NSUN6: variants seen among roughly 807,000 people sequenced by gnomAD.
NSUN6 encodes NOP2/Sun RNA methyltransferase 6.
Under a neutral mutation model 58.0 loss-of-function variants are expected in NSUN6, and 64 were observed. That is an observed-to-expected ratio of 1.10 (90% CI 0.90 to 1.36). The LOEUF is 1.36. Ranked by LOEUF, NSUN6 falls within the 40% of genes most tolerant of loss-of-function variation. The pLI is 0.00. For synonymous variants in NSUN6, 231 were observed against 193.9 expected (o/e 1.19, Z -1.59); for missense variants, 701 against 550.1 (o/e 1.27, Z -2.74).
chr10:18,642,665 G>A, intron 2 of NSUN6, 110 bp from the exon 3 acceptor site: 1 of 572,560 alleles, frequency 1.7e-6, no homozygotes, highest in Non-Finnish European at 3.1e-6. Context: ...AGTAGCTCTG[G>A]GGCATTTTCA....
chr10:18,652,602 C>T (rs1202166693), upstream of NSUN6: 15 of 963,838 alleles, frequency 1.6e-5, no homozygotes, highest in Non-Finnish European at 1.7e-5. Flanking sequence ...TCTCTGTCGC[C>T]CAGACTGGAG....
chr10:18,584,728 C>G (rs1327560110), intron 8 of NSUN6, among the ~76,000 whole-genome samples: 1 of 152,026 alleles, frequency 6.6e-6, no homozygotes, highest in Non-Finnish European at 1.5e-5. Context: ...CAACCAGATA[C>G]ATCATCGTAA....
chr10:18,651,368 C>A lies in NSUN6; in HGVS notation c.-165G>T. ...TCGGAAATGCAGAGGTACACGCTTT[C>A]TCAAGCCTAGCCGATTAGAAGGGGC... is the stretch of plus-strand genomic sequence containing the variant. On this transcript the variant is annotated 5_prime_UTR_variant, in exon 1 of 11. Transcript: ENST00000377304. 3 of 1,343,056 alleles carry A rather than the reference C, an allele frequency of 2.2e-6. No individual in the cohort carries two copies. The highest frequency in any genetic ancestry group is 2.8e-6 in the Non-Finnish European group (3 of 1,053,074). The allele number at this position is 1,343,056 out of a possible 1,614,324, so 83.2% of individuals were successfully genotyped here.
At chr10:18,557,755 TAGAATGGAATGG>T (rs2055153728) in intron 8 of NSUN6, among the ~76,000 whole-genome samples, 1 of 147,326 alleles carries the variant, frequency 6.8e-6, no homozygotes, top group Non-Finnish European at 1.5e-5. Flanking sequence ...GAATGGAGAA[TAGAATGGAATGG>T]AGAATGGAAC....
chr10:18,658,726 G>C (rs575121246), upstream of NSUN6: 3 of 852,670 alleles, frequency 3.5e-6, no homozygotes, highest in Non-Finnish European at 4.2e-6. Context: ...GACAGGGGCC[G>C]GGCGCGGTGG....
chr10:18,545,868 T>TAGAAAAAA lies in NSUN6; in HGVS notation c.*64_*65insTTTTTTCT. 1.4e-6 allele frequency: 1 copy of TAGAAAAAA among 732,152 alleles called. No homozygotes were observed. Among genetic ancestry groups the TAGAAAAAA allele is most frequent in the Non-Finnish European group, 2.2e-6 (1 of 450,174 alleles). The allele number at this position is 732,152 out of a possible 1,614,324, so 45.4% of individuals were successfully genotyped here. On this transcript the variant is annotated 3_prime_UTR_variant, in exon 11 of 11. Coordinates refer to ENST00000377304, the MANE Select transcript of NSUN6 (RefSeq NM_182543.5). ...TCAGTTGGCCTGACAACACTTTGGT[T>TAGAAAAAA]AAAAAAAAAAAAACCACAGACAGCA... is the stretch of plus-strand genomic sequence containing the variant.
intron 8 of NSUN6, among the ~76,000 whole-genome samples, chr10:18,566,773 T>C (rs914025022): frequency 6.6e-6 from 1 of 150,992 alleles, no homozygotes; most frequent in Admixed American, 6.6e-5. Flanking sequence ...CGATTCTGCA[T>C]TCCATTCCAT....
intron 2 of NSUN6, among the ~76,000 whole-genome samples, chr10:18,645,308 T>C (rs1293831808): frequency 5.3e-5 from 8 of 152,208 alleles, no homozygotes; most frequent in African/African-American, 1.9e-4. Flanking sequence ...TTAATGTATA[T>C]AAACTGTTTC....
At chr10:18,585,826 G>A (rs1165554661) in intron 8 of NSUN6, 123 bp downstream of exon 8, 4 of 711,150 alleles carry the variant, frequency 5.6e-6, no homozygotes, top group African/African-American at 5.5e-5. Flanking sequence ...TGATGGATAT[G>A]TTAATTAGCT....
intron 8 of NSUN6, among the ~76,000 whole-genome samples, chr10:18,570,856 C>T (rs551764968): frequency 1.3e-5 from 2 of 149,464 alleles, no homozygotes; most frequent in African/African-American, 4.9e-5. Flanking sequence ...ATTCCATTCT[C>T]TTCCATTCTC....
chr10:18,559,340 T>C (rs1357723009), intron 8 of NSUN6, among the ~76,000 whole-genome samples: 1 of 143,892 alleles, frequency 6.9e-6, no homozygotes, highest in East Asian at 2.1e-4. Flanking sequence ...GAATGGAGAA[T>C]TGATTGGAAT....
rs16917608 is a variant in NSUN6 at position 18,647,217 on chromosome 10, A to T, written c.231+1273T>A. Among the ~76,000 whole-genome samples, 73 of 152,282 alleles carry T rather than the reference A, an allele frequency of 4.8e-4. 1 individual carries two copies. In the East Asian group the frequency reaches 0.013, roughly 27 times the overall value. On this transcript the variant is annotated intron_variant, in intron 2 of 10. Transcript: ENST00000377304. Reference sequence around the variant, plus strand: ...TTAAAAGGGGATAAGTGACTCAGTGATAATTTTCTGAAATTTTCTAAATAA... The same window carrying T: ...TTAAAAGGGGATAAGTGACTCAGTGTTAATTTTCTGAAATTTTCTAAATAA...
At chr10:18,621,559 G>T (rs978116568) in intron 3 of NSUN6, among the ~76,000 whole-genome samples, 1 of 152,040 alleles carries the variant, frequency 6.6e-6, no homozygotes, top group East Asian at 1.9e-4. Context: ...CGTAAAAGTT[G>T]GTGCAAGGCC....
chr10:18,552,108 G>A, intron 8 of NSUN6, 137 bp from the exon 9 acceptor site: 1 of 593,856 alleles, frequency 1.7e-6, no homozygotes, highest in Non-Finnish European at 2.9e-6. Flanking sequence ...CAAGTAGCTG[G>A]TTAAACTAAT....
intron 8 of NSUN6, among the ~76,000 whole-genome samples, chr10:18,557,925 G>T (rs1194070485): frequency 2.0e-5 from 3 of 151,520 alleles, no homozygotes; most frequent in Non-Finnish European, 4.4e-5. Flanking sequence ...GTGTGGAATG[G>T]AAGGGAAAAT....
chr10:18,594,541 C>T (rs1263689855), intron 7 of NSUN6, among the ~76,000 whole-genome samples: 6 of 151,944 alleles, frequency 3.9e-5, no homozygotes, highest in Non-Finnish European at 8.8e-5. Flanking sequence ...CTCTGCCTCC[C>T]AGGTCCAAGC....
intron 3 of NSUN6, among the ~76,000 whole-genome samples, chr10:18,632,163 C>G (rs1429257815): frequency 2.0e-5 from 3 of 152,012 alleles, no homozygotes; most frequent in Non-Finnish European, 4.4e-5. Context: ...GAAAGGATTC[C>G]CTAGTTAATA....
intron 2 of NSUN6, among the ~76,000 whole-genome samples, chr10:18,643,371 T>G (rs182702197): frequency 3.3e-5 from 5 of 151,978 alleles, no homozygotes; most frequent in African/African-American, 9.6e-5. Flanking sequence ...ACAACAAGTC[T>G]GCCTCGTAGG....
chr10:18,573,470 T>C, intron 8 of NSUN6, among the ~76,000 whole-genome samples: 1 of 151,524 alleles, frequency 6.6e-6, no homozygotes, highest in African/African-American at 2.4e-5. Context: ...CATTCCATTC[T>C]CCATTCCATT....
Sources: allele counts gnomAD v4.1 joint callset (sites outside exome capture counted in the v4.1 genomes callset), GRCh38; gene constraint gnomAD v4.1.1; transcripts MANE v1.5; gene names NCBI Gene and HGNC (gene_info 2026-07-23, HGNC 2026-07-21).